The following ZCWPW1 variants were observed in gnomAD, a reference collection of about 807,000 sequenced individuals.
The protein encoded by ZCWPW1 is zinc finger CW-type and PWWP domain containing 1.
In ZCWPW1, 56 loss-of-function variants were observed where a neutral mutation model predicts 81.3. That is an observed-to-expected ratio of 0.69 (90% confidence interval 0.56 to 0.86). The LOEUF is 0.86. Among genes scored for constraint, ZCWPW1 ranks in the 40% least tolerant of loss-of-function variants. The pLI, the probability that ZCWPW1 is intolerant of heterozygous loss-of-function variation, is 0.00. For synonymous variants in ZCWPW1, 250 were observed against 273.7 expected, an observed-to-expected ratio of 0.91 and a Z score of 0.86; for missense variants, 650 against 769.8, an observed-to-expected ratio of 0.84 and a Z score of 1.84.
chr7:100,400,885 G>T lies in ZCWPW1; in HGVS notation c.*129C>A. The T allele has an allele frequency of 9.2e-7, 1 of 1,092,720 alleles. No individual in the cohort carries two copies. Among genetic ancestry groups the T allele is most frequent in the Non-Finnish European group, 1.3e-6 (1 of 793,140 alleles). The allele number at this position is 1,092,720 out of a possible 1,614,324, so 67.7% of individuals were successfully genotyped here. A position where few individuals can be genotyped will look rare whatever the true frequency, so the allele number is the denominator to read the frequency against. On this transcript the variant is annotated 3_prime_UTR_variant, in exon 18 of 18. Transcript: ENST00000684423. ...CAGCCAACCCAGTCGACTGTAACCT[G>T]CTTTATTAACACAGAAACTGCACCA...
At chr7:100,403,031 G>A (rs1792246361) in intron 15 of ZCWPW1, among the ~76,000 whole-genome samples, 1 of 152,004 alleles carries the variant, frequency 6.6e-6, no homozygotes, top group South Asian at 2.1e-4. Flanking sequence ...CAAGAAAGAA[G>A]TTCCTAGAGA....
chr7:100,401,481 A>G (rs1791868074), intron 17 of ZCWPW1, 145 bp from the exon 18 acceptor site: 1 of 828,784 alleles, frequency 1.2e-6, no homozygotes. Context: ...CTTTGGGATC[A>G]GAAAGAGAGT....
At chr7:100,416,496 A>G in intron 6 of ZCWPW1, 40 bp from the exon 7 acceptor site, 1 of 1,603,794 alleles carries the variant, frequency 6.2e-7, no homozygotes, top group South Asian at 1.1e-5. Context: ...GTAAAAATAG[A>G]GCAATTGCAG....
intron 12 of ZCWPW1, among the ~76,000 whole-genome samples, chr7:100,405,998 T>C (rs1307208253): frequency 6.6e-6 from 1 of 152,200 alleles, no homozygotes; most frequent in African/African-American, 2.4e-5. Flanking sequence ...AACAGGATTA[T>C]AGGAGCCCAG....
Position 100,414,119 on chromosome 7 carries a change from A to G in ZCWPW1, c.754+1856T>C, listed in dbSNP as rs544436448. On this transcript the variant is annotated intron_variant, in intron 8 of 17. Coordinates refer to ENST00000684423, the MANE Select transcript of ZCWPW1 (RefSeq NM_001386010.1). ...GAACTCCAGGCCACCTGGTTGTTCA[A>G]ATTAGACTTATACCTCAGTGCCTTA... 4.4e-4 allele frequency among the ~76,000 whole-genome samples: 67 copies of G among 152,334 alleles called. No individual in the cohort carries two copies. In the South Asian group the frequency reaches 7.5e-3, roughly 17 times the overall value.
At chr7:100,419,965 A>G in intron 3 of ZCWPW1, 82 bp from the exon 4 acceptor site, 1 of 1,164,044 alleles carries the variant, frequency 8.6e-7, no homozygotes. Context: ...GACTAGCCAT[A>G]ACAGAATGAT....
At chr7:100,415,896 C>T (rs1291421423) in intron 8 of ZCWPW1, 79 bp downstream of exon 8, 8 of 1,575,200 alleles carry the variant, frequency 5.1e-6, no homozygotes, top group Non-Finnish European at 6.1e-6. Flanking sequence ...GCAGAGGTTC[C>T]TCTAACATCC....
At chr7:100,415,076 T>C (rs1388606369) in intron 8 of ZCWPW1, among the ~76,000 whole-genome samples, 2 of 54,330 alleles carry the variant, frequency 3.7e-5, no homozygotes, top group African/African-American at 7.8e-5. Flanking sequence ...TCCGTACCCA[T>C]TTTTTTTTTT....
At chr7:100,415,291 C>T (rs570114405) in intron 8 of ZCWPW1, among the ~76,000 whole-genome samples, 1 of 151,948 alleles carries the variant, frequency 6.6e-6, no homozygotes, top group East Asian at 2.0e-4. Flanking sequence ...CCATATTGGT[C>T]AGGCTGGTCT....
chr7:100,405,673 C>G (rs955863147), intron 12 of ZCWPW1, among the ~76,000 whole-genome samples: 3 of 152,094 alleles, frequency 2.0e-5, no homozygotes, highest in African/African-American at 7.2e-5. Context: ...ACTCTGTCAC[C>G]CAGGCTGGAG....
Position 100,406,692 on chromosome 7 carries a change from A to T in ZCWPW1, c.1173+2T>A. On this transcript the variant is annotated splice_donor_variant, in intron 12 of 17. Coordinates refer to ENST00000684423, the MANE Select transcript of ZCWPW1 (RefSeq NM_001386010.1). LOFTEE classifies it high-confidence loss of function. Reference sequence around the variant, plus strand: ...CACAACAGAACCCCAAGATGTGCTCACCATGACTGATAGCTCCAGGGACAG... The same window carrying T: ...CACAACAGAACCCCAAGATGTGCTCTCCATGACTGATAGCTCCAGGGACAG... 1 of 1,613,774 alleles carries T rather than the reference A, an allele frequency of 6.2e-7. No homozygotes were observed.
intron 17 of ZCWPW1, among the ~76,000 whole-genome samples, chr7:100,401,615 C>T (rs1791911071): frequency 2.6e-5 from 4 of 152,146 alleles, no homozygotes; most frequent in Non-Finnish European, 5.9e-5. Flanking sequence ...TTTAAAGGAG[C>T]AGGCATGGAA....
intron 8 of ZCWPW1, among the ~76,000 whole-genome samples, chr7:100,414,191 T>A (rs1473327823): frequency 6.6e-6 from 1 of 152,256 alleles, no homozygotes; most frequent in Non-Finnish European, 1.5e-5. Flanking sequence ...TGACCTGAAC[T>A]ACCTTGTTTG....
chr7:100,423,199 T>A (rs1473410557), intron 2 of ZCWPW1, among the ~76,000 whole-genome samples: 3 of 152,234 alleles, frequency 2.0e-5, no homozygotes, highest in Admixed American at 6.5e-5. Flanking sequence ...TGAGCTTAGA[T>A]GAACCCAGGA....
Position 100,401,279 on chromosome 7 carries a change from T to A in ZCWPW1, c.1685A>T (p.Glu562Val). 6.2e-7 allele frequency: 1 copy of A among 1,601,540 alleles called. No homozygotes were observed. The change falls in exon 18 of 18, where the codon GAG (glutamate) becomes GTG (valine). Residue 562 changes from glutamate (E) to valine (V), a missense_variant. Glu to Val is a moderately radical substitution (Grantham distance 121). Transcript: ENST00000684423. ...TGGCACTGTTCTAACTTCTTTTCCC[T>A]CTGAAAAGCTGGCTGCCAAGGCCTT... ...QSKALAASFS[E>V]GKEVRTVPKN...
At chr7:100,415,448 T>C (rs1487301455) in intron 8 of ZCWPW1, among the ~76,000 whole-genome samples, 1 of 152,164 alleles carries the variant, frequency 6.6e-6, no homozygotes, top group Non-Finnish European at 1.5e-5. Flanking sequence ...AAAAAGTGTC[T>C]ACTCTTCAAC....
chr7:100,423,863 GT>G (rs1796794286), intron 2 of ZCWPW1, among the ~76,000 whole-genome samples: 1 of 152,132 alleles, frequency 6.6e-6, no homozygotes, highest in Non-Finnish European at 1.5e-5. Flanking sequence ...GAGGTCAGGA[GT>G]TCGAGACCAG....
rs754435144 is a variant in ZCWPW1 at position 100,407,209 on chromosome 7, C to T, written c.1068+19G>A. 1.2e-5 allele frequency: 19 copies of T among 1,612,722 alleles called. No homozygotes were observed. Among genetic ancestry groups the T allele is most frequent in the Non-Finnish European group, 1.4e-5 (16 of 1,179,036 alleles). Reference sequence around the variant, plus strand: ...TACTTTGGCCTGAGCTCCTTCTTACCCTGAACCAGGAAACTCACCGGCAGG... The same window carrying T: ...TACTTTGGCCTGAGCTCCTTCTTACTCTGAACCAGGAAACTCACCGGCAGG... On this transcript the variant is annotated intron_variant, in intron 11 of 17. Transcript: ENST00000684423.
At chr7:100,422,023 A>G (rs1796446199) in intron 2 of ZCWPW1, among the ~76,000 whole-genome samples, 1 of 152,186 alleles carries the variant, frequency 6.6e-6, no homozygotes, top group Non-Finnish European at 1.5e-5. Context: ...TACTAATGAC[A>G]CTGTGACTAA....
Sources: gnomAD v4.1 joint callset for allele counts (sites outside exome capture counted in the v4.1 genomes callset) on GRCh38, gnomAD v4.1.1 for gene constraint, MANE v1.5 for transcripts, NCBI Gene and HGNC (gene_info 2026-07-23, HGNC 2026-07-21) for gene names.